The following ALKBH8 variants were observed in gnomAD, a reference collection of about 807,000 sequenced individuals.
ALKBH8 encodes alkB homolog 8, tRNA methyltransferase, also known as tRNA (carboxymethyluridine(34)-5-O)-methyltransferase ALKBH8.
ALKBH8 carries 36 observed loss-of-function variants against 59.8 expected under a neutral mutation model. The observed-to-expected ratio is 0.60, with a 90% CI of 0.46 to 0.79. The LOEUF (loss-of-function observed/expected upper bound fraction) is 0.79. Among genes scored for constraint, ALKBH8 ranks in the 30% least tolerant of loss-of-function variants. The pLI, the probability that ALKBH8 is intolerant of heterozygous loss-of-function variation, is 0.00. For synonymous variants in ALKBH8, 276 were observed against 273.6 expected, an observed-to-expected ratio of 1.01 and a Z score of -0.09; for missense variants, 768 against 801.0, an observed-to-expected ratio of 0.96 and a Z score of 0.50.
chr11:107,527,189 T>G (rs976277981), intron 8 of ALKBH8, among the ~76,000 whole-genome samples: 2 of 151,926 alleles, frequency 1.3e-5, no homozygotes, highest in African/African-American at 4.8e-5. Context: ...AGCAATAATT[T>G]TTCTAGAATT....
chr11:107,560,761 T>A lies in ALKBH8; in HGVS notation c.129+4A>T. ...TTCTAATAATAATAGTAGTTTTAGG[T>A]CACCTGAGTGGCATAGGATACTGTC... On this transcript the variant is annotated splice_donor_region_variant and intron_variant, in intron 2 of 11. Transcript: ENST00000428149. 1 of 1,600,410 alleles carries A rather than the reference T, an allele frequency of 6.2e-7. No homozygotes were observed. Among genetic ancestry groups the A allele is most frequent in the Non-Finnish European group, 8.5e-7 (1 of 1,174,856 alleles).
intron 10 of ALKBH8, among the ~76,000 whole-genome samples, chr11:107,519,208 T>A (rs1863002026): frequency 6.6e-6 from 1 of 152,032 alleles, no homozygotes; most frequent in Non-Finnish European, 1.5e-5. Context: ...CAGGCTCAAG[T>A]GATTCTCCTG....
chr11:107,531,241 T>C (rs1012543633), intron 8 of ALKBH8, among the ~76,000 whole-genome samples: 1 of 152,148 alleles, frequency 6.6e-6, no homozygotes, highest in Non-Finnish European at 1.5e-5. Context: ...TAAAAATATG[T>C]CAGCTAAAAT....
chr11:107,506,165 C>A (rs1048209054), intron 11 of ALKBH8, among the ~76,000 whole-genome samples: 1 of 151,936 alleles, frequency 6.6e-6, no homozygotes, highest in Non-Finnish European at 1.5e-5. Context: ...CACTTGAGAC[C>A]CAGAAGGGCT....
At position 107,541,179 on chromosome 11, in the gene ALKBH8, C is replaced by T. The variant is rs73553663; in HGVS notation, c.771+8574G>A. 5.2e-3 allele frequency among the ~76,000 whole-genome samples: 786 copies of T among 152,172 alleles called. 4 individuals are homozygous for T. The highest frequency in any genetic ancestry group is 0.018 in the African/African-American group (742 of 41,524). ...CTAGCACAGAATAGTTAGCTGTTGG[C>T]GATAATGATCATGGCAATGGTAGTG... On this transcript the variant is annotated intron_variant, in intron 7 of 11. Transcript: ENST00000428149.
In ALKBH8 at chr11:107,551,899, A is replaced by C; in HGVS notation, c.609T>G (p.Ile203Met). The C allele has an allele frequency of 6.6e-7, 1 of 1,522,150 alleles. No individual in the cohort carries two copies. The highest frequency in any genetic ancestry group is 8.8e-7 in the Non-Finnish European group (1 of 1,138,016). 94.3% of individuals were successfully genotyped at this position (1,522,150 alleles called of 1,614,324 possible). The change falls in exon 6 of 12, where the codon ATT becomes ATG. Residue 203 changes from isoleucine to methionine, a missense_variant. Coordinates refer to ENST00000428149, the MANE Select transcript of ALKBH8 (RefSeq NM_138775.3). ...DKPLSGGLPD[I>M]CESFLEKWLR... is the part of the protein sequence containing the mutation. ...ACCATTTCTCCAAAAAGCTTTCACA[A>C]ATGTCAGGAAGACCTACAATGAGTA...
Position 107,529,242 on chromosome 11 carries a change from T to G in ALKBH8, c.878+3058A>C, listed in dbSNP as rs529282274. Among the ~76,000 whole-genome samples, 6 of 152,260 alleles carry G rather than the reference T, an allele frequency of 3.9e-5. No homozygotes were observed. The South Asian group carries it at 1.2e-3, about 32-fold the overall frequency. On this transcript the variant is annotated intron_variant, in intron 8 of 11. Transcript: ENST00000428149. ...AAACTTCCCACTATGATTGTGTAAATTAAATGAGTTAATATATGTAAAGTT... is the reference window on the plus strand; with the variant it reads ...AAACTTCCCACTATGATTGTGTAAAGTAAATGAGTTAATATATGTAAAGTT...
chr11:107,511,019 G>T lies in ALKBH8; in HGVS notation c.1305C>A (p.Ser435Arg). Residue 435 changes from serine to arginine, a missense_variant, in exon 11 of 12, where the codon AGC becomes AGA. Coordinates refer to ENST00000428149, the MANE Select transcript of ALKBH8 (RefSeq NM_138775.3). ...KELYMIGCDR[S>R]QNLVDICRER... The stretch of plus-strand genomic sequence containing the variant: ...CTCTACAAATGTCCACAAGGTTTTG[G>T]CTACGATCACAACCAATCTGTAACA... 6.4e-7 allele frequency: 1 copy of T among 1,551,908 alleles called. No homozygotes were observed. The highest frequency in any genetic ancestry group is 8.7e-7 in the Non-Finnish European group (1 of 1,146,980).
intron 10 of ALKBH8, among the ~76,000 whole-genome samples, chr11:107,515,606 C>T (rs1228260323): frequency 1.3e-5 from 2 of 152,276 alleles, no homozygotes; most frequent in African/African-American, 4.8e-5. Context: ...GTCTTCCCAC[C>T]TCGGCCTCTC....
At chr11:107,546,540 T>C (rs1864264095) in intron 7 of ALKBH8, among the ~76,000 whole-genome samples, 1 of 152,136 alleles carries the variant, frequency 6.6e-6, no homozygotes. Flanking sequence ...GTATTTGAGA[T>C]GGAAAGAAAT....
chr11:107,515,065 C>T (rs1442101360), intron 10 of ALKBH8, among the ~76,000 whole-genome samples: 1 of 152,210 alleles, frequency 6.6e-6, no homozygotes, highest in Non-Finnish European at 1.5e-5. Context: ...TGACCAACGA[C>T]CTGACTCATG....
intron 10 of ALKBH8, among the ~76,000 whole-genome samples, chr11:107,512,375 G>A (rs1444649464): frequency 6.6e-6 from 1 of 152,050 alleles, no homozygotes; most frequent in African/African-American, 2.4e-5. Context: ...GTACAGTGGT[G>A]CAATCCCAGC....
At chr11:107,529,376 A>T (rs756582888) in intron 8 of ALKBH8, among the ~76,000 whole-genome samples, 2 of 152,340 alleles carry the variant, frequency 1.3e-5, no homozygotes, top group East Asian at 3.9e-4. Context: ...TGGCATAAAT[A>T]AATGAAACAG....
intron 11 of ALKBH8, among the ~76,000 whole-genome samples, chr11:107,508,469 G>A (rs1862487323): frequency 6.6e-6 from 1 of 152,118 alleles, no homozygotes; most frequent in African/African-American, 2.4e-5. Flanking sequence ...CACGACAGCT[G>A]GCCTCAATGA....
Position 107,519,349 on chromosome 11 carries a change from T to C in ALKBH8, c.1287+2950A>G, listed in dbSNP as rs1338325029. Among the ~76,000 whole-genome samples, 4 of 151,524 alleles carry C rather than the reference T, an allele frequency of 2.6e-5. No individual in the cohort carries two copies. In the East Asian group the frequency reaches 5.9e-4, roughly 22 times the overall value. On this transcript the variant is annotated intron_variant, in intron 10 of 11. Transcript: ENST00000428149. Reference sequence around the variant, plus strand: ...CGAACTCTCAACCTCAGGTGATCTGTCCACCTCGGCCTCCCAAAGTGCTGG... The same window carrying C: ...CGAACTCTCAACCTCAGGTGATCTGCCCACCTCGGCCTCCCAAAGTGCTGG...
intron 11 of ALKBH8, among the ~76,000 whole-genome samples, chr11:107,505,882 C>T (rs112335560): frequency 6.6e-6 from 1 of 152,130 alleles, no homozygotes; most frequent in Non-Finnish European, 1.5e-5. Flanking sequence ...GCTCAGAGTA[C>T]AGGGAGGTCA....
intron 10 of ALKBH8, among the ~76,000 whole-genome samples, chr11:107,516,643 C>T (rs1207365723): frequency 6.6e-6 from 1 of 152,114 alleles, no homozygotes; most frequent in African/African-American, 2.4e-5. Context: ...CTTGAGGAAA[C>T]AATCATCAGA....
rs1251577404 is a variant in ALKBH8, at chr11:107,505,175, A to G, written c.1478T>C (p.Leu493Pro). Reference protein sequence around the residue: ...VAALQEIVRLLRPGGKALIYV... With the variant: ...VAALQEIVRLPRPGGKALIYV... ...AATGAGTGCCTTCCCACCTGGTCTCAGGAGTCGAACAATTTCTTGGAGAGC... is the reference window on the plus strand; with the variant it reads ...AATGAGTGCCTTCCCACCTGGTCTCGGGAGTCGAACAATTTCTTGGAGAGC... The change falls in exon 12 of 12, where the codon CTG becomes CCG. Residue 493 changes from leucine to proline, a missense_variant. Coordinates refer to ENST00000428149, the MANE Select transcript of ALKBH8 (RefSeq NM_138775.3). 6.5e-7 allele frequency: 1 copy of G among 1,549,602 alleles called. No individual in the cohort carries two copies.
intron 7 of ALKBH8, among the ~76,000 whole-genome samples, chr11:107,533,324 C>A (rs1230049043): frequency 6.6e-6 from 1 of 152,020 alleles, no homozygotes; most frequent in Non-Finnish European, 1.5e-5. Flanking sequence ...CAGCATAGTA[C>A]CTTCCTTAAA....
Sources: gnomAD v4.1 joint callset for allele counts (sites outside exome capture counted in the v4.1 genomes callset) on GRCh38, gnomAD v4.1.1 for gene constraint, MANE v1.5 for transcripts, NCBI Gene and HGNC (gene_info 2026-07-23, HGNC 2026-07-21) for gene names.